GRIA4: variants seen among roughly 807,000 people sequenced by gnomAD.
GRIA4 encodes glutamate receptor 4.
Under a neutral mutation model 104.0 loss-of-function variants are expected in GRIA4, and 34 were observed. That is an observed-to-expected ratio of 0.33 (90% confidence interval 0.25 to 0.44). The LOEUF is 0.44. Ranked by LOEUF, GRIA4 falls within the 20% of genes least tolerant of loss-of-function variation. GRIA4 has a pLI of 1.00. For synonymous variants in GRIA4, 386 were observed against 381.9 expected (o/e 1.01, Z -0.13); for missense variants, 750 against 1,096.5 (o/e 0.68, Z 4.46).
intron 13 of GRIA4, among the ~76,000 whole-genome samples, chr11:105,928,932 T>C (rs1947795244): frequency 6.6e-6 from 1 of 152,116 alleles, no homozygotes; most frequent in African/African-American, 2.4e-5. Flanking sequence ...TAGTCTTCCA[T>C]ACAAACTGTG....
rs919135506 is a variant in GRIA4, at chr11:105,664,568, A to T, written c.247+52134A>T. Among the ~76,000 whole-genome samples the T allele has an allele frequency of 2.6e-5, 4 of 151,952 alleles. No individual in the cohort carries two copies. The East Asian group carries it at 5.8e-4, about 22-fold the overall frequency. ...AGCTTTGACACACATTGCCACTAACATTATCTAGCACTGTTTTGTGTGGTA... is the reference window on the plus strand; with the variant it reads ...AGCTTTGACACACATTGCCACTAACTTTATCTAGCACTGTTTTGTGTGGTA... On this transcript the variant is annotated intron_variant, in intron 3 of 16. Transcript: ENST00000282499.
In GRIA4 at chr11:105,618,368, G is replaced by C. The variant is rs534254004; in HGVS notation, c.247+5934G>C. Among the ~76,000 whole-genome samples the C allele has an allele frequency of 1.1e-4, 17 of 152,144 alleles. No individual in the cohort carries two copies. The South Asian group carries it at 3.3e-3, about 30-fold the overall frequency. ...AAAGACCAGTTGACTGAGTCTTAAA[G>C]TAATACGATTTACAATGATGGCTGC... On this transcript the variant is annotated intron_variant, in intron 3 of 16. Coordinates refer to ENST00000282499, the MANE Select transcript of GRIA4 (RefSeq NM_000829.4).
chr11:105,709,786 T>C (rs563342671), intron 3 of GRIA4, among the ~76,000 whole-genome samples: 56 of 152,168 alleles, frequency 3.7e-4, no homozygotes, highest in African/African-American at 1.3e-3. Flanking sequence ...ATGTTGATAG[T>C]GAAGACAGGA....
intron 4 of GRIA4, among the ~76,000 whole-genome samples, chr11:105,843,626 G>C (rs1430571846): frequency 6.6e-6 from 1 of 152,150 alleles, no homozygotes; most frequent in Non-Finnish European, 1.5e-5. Flanking sequence ...TGGAGATCTA[G>C]AATCCTTTGC....
chr11:105,763,587 A>G (rs192674658), intron 4 of GRIA4, among the ~76,000 whole-genome samples: 1 of 152,308 alleles, frequency 6.6e-6, no homozygotes, highest in East Asian at 1.9e-4. Flanking sequence ...CGTAGTCACA[A>G]GCATAAAAAA....
chr11:105,974,785 G>A, intron 16 of GRIA4: 1 of 425,116 alleles, frequency 2.4e-6, no homozygotes, highest in East Asian at 3.9e-5. Context: ...AAACAAACCA[G>A]AATTGCTCTG....
At chr11:105,961,216 A>G (rs1444904999) in intron 14 of GRIA4, among the ~76,000 whole-genome samples, 1 of 152,214 alleles carries the variant, frequency 6.6e-6, no homozygotes. Flanking sequence ...TTTAATGCAC[A>G]TTAGTTTTAC....
intron 4 of GRIA4, among the ~76,000 whole-genome samples, chr11:105,827,752 C>G (rs1206482204): frequency 2.6e-5 from 4 of 151,840 alleles, no homozygotes; most frequent in Admixed American, 2.6e-4. Context: ...AATGGGGATA[C>G]CAAATAGGGA....
At chr11:105,801,660 T>C (rs1001723858) in intron 4 of GRIA4, among the ~76,000 whole-genome samples, 2 of 152,058 alleles carry the variant, frequency 1.3e-5, no homozygotes, top group African/African-American at 2.4e-5. Context: ...CCATTTACTG[T>C]CTACAATGTA....
intron 4 of GRIA4, among the ~76,000 whole-genome samples, chr11:105,790,398 A>C (rs1341331527): frequency 1.3e-5 from 2 of 152,164 alleles, no homozygotes; most frequent in Non-Finnish European, 2.9e-5. Context: ...ATCAGTCACT[A>C]GGGGTACATG....
At chr11:105,777,790 AC>A (rs1941516508) in intron 4 of GRIA4, among the ~76,000 whole-genome samples, 1 of 152,156 alleles carries the variant, frequency 6.6e-6, no homozygotes, top group African/African-American at 2.4e-5. Context: ...CACAATAACA[AC>A]CAAAAAAATC....
At chr11:105,763,496 A>G (rs1796697913) in intron 4 of GRIA4, among the ~76,000 whole-genome samples, 1 of 152,176 alleles carries the variant, frequency 6.6e-6, no homozygotes, top group Non-Finnish European at 1.5e-5. Context: ...CAATAGCCCT[A>G]AAGATTTTTA....
At chr11:105,729,202 C>T (rs1033535333) in intron 3 of GRIA4, among the ~76,000 whole-genome samples, 4 of 152,078 alleles carry the variant, frequency 2.6e-5, no homozygotes, top group Admixed American at 6.6e-5. Flanking sequence ...ATACAAACTG[C>T]TATCAGAGAA....
intron 3 of GRIA4, among the ~76,000 whole-genome samples, chr11:105,745,592 A>G (rs367811493): frequency 6.6e-6 from 1 of 152,164 alleles, no homozygotes; most frequent in South Asian, 2.1e-4. Context: ...CACAATCCTC[A>G]TAAGTTTACC....
intron 14 of GRIA4, among the ~76,000 whole-genome samples, chr11:105,936,470 A>G (rs1014038956): frequency 6.6e-6 from 1 of 152,186 alleles, no homozygotes; most frequent in Non-Finnish European, 1.5e-5. Context: ...CCTTGTCATT[A>G]ACAATGGCTT....
At chr11:105,669,753 A>G (rs1952300460) in intron 3 of GRIA4, among the ~76,000 whole-genome samples, 2 of 152,162 alleles carry the variant, frequency 1.3e-5, no homozygotes, top group African/African-American at 2.4e-5. Context: ...TTTTGTGAAT[A>G]AATAAACACT....
At chr11:105,954,868 T>C (rs1948544446) in intron 14 of GRIA4, among the ~76,000 whole-genome samples, 2 of 150,680 alleles carry the variant, frequency 1.3e-5, no homozygotes, top group Admixed American at 1.3e-4. Flanking sequence ...TACCAAAATC[T>C]CCTTAATCTT....
At chr11:105,830,545 G>A (rs1455667915) in intron 4 of GRIA4, among the ~76,000 whole-genome samples, 1 of 152,022 alleles carries the variant, frequency 6.6e-6, no homozygotes, top group East Asian at 1.9e-4. Context: ...CACTAGCCAT[G>A]TAGATGATAA....
intron 11 of GRIA4, 47 bp downstream of exon 11, chr11:105,918,965 C>G: frequency 9.1e-7 from 1 of 1,095,448 alleles, no homozygotes. Flanking sequence ...ACACCTGAAA[C>G]TTCTTTTCCC....
Sources: allele counts gnomAD v4.1 joint callset (sites outside exome capture counted in the v4.1 genomes callset), GRCh38; gene constraint gnomAD v4.1.1; transcripts MANE v1.5; gene names NCBI Gene and HGNC (gene_info 2026-07-23, HGNC 2026-07-21).